TFPI: variants seen among roughly 807,000 people sequenced by gnomAD.
The protein encoded by TFPI is anti-convertin.
TFPI carries 15 observed loss-of-function variants against 34.6 expected under a neutral mutation model. The ratio of observed to expected loss-of-function variants is 0.43; its 90% CI spans 0.29 to 0.67. TFPI has a LOEUF of 0.67. TFPI is among the 30% of genes least tolerant of loss of function. The pLI, the probability that TFPI is intolerant of heterozygous loss-of-function variation, is 0.15. For synonymous variants in TFPI, 105 were observed against 120.1 expected (o/e 0.87, Z 0.82); for missense variants, 301 against 364.0 (o/e 0.83, Z 1.41).
chr2:187,545,171 T>A (rs1030101889), intron 1 of TFPI, among the ~76,000 whole-genome samples: 17 of 152,114 alleles, frequency 1.1e-4, no homozygotes, highest in African/African-American at 4.1e-4. Context: ...CAAAAGTAAT[T>A]GTACATAGTT....
At chr2:187,507,304 A>G (rs997603237) in intron 1 of TFPI, among the ~76,000 whole-genome samples, 5 of 152,158 alleles carry the variant, frequency 3.3e-5, no homozygotes, top group African/African-American at 1.2e-4. Context: ...TATACAGTCT[A>G]TCATTGATAG....
chr2:187,502,168 T>A (rs996974258), intron 2 of TFPI, among the ~76,000 whole-genome samples: 12 of 152,210 alleles, frequency 7.9e-5, no homozygotes, highest in Non-Finnish European at 2.9e-5. Flanking sequence ...AAATTCTTTG[T>A]TACCACCTAG....
intron 1 of TFPI, among the ~76,000 whole-genome samples, chr2:187,512,277 T>TAAA (rs143585752): frequency 2.7e-5 from 3 of 110,370 alleles, no homozygotes; most frequent in African/African-American, 1.0e-4. Flanking sequence ...TATCCTAAGT[T>TAAA]AAAAAAAAAA....
chr2:187,545,194 G>A (rs966491990), intron 1 of TFPI, among the ~76,000 whole-genome samples: 1 of 152,092 alleles, frequency 6.6e-6, no homozygotes, highest in East Asian at 1.9e-4. Flanking sequence ...TTAAAGGAGG[G>A]AAGTCTCTTC....
chr2:187,542,112 G>A (rs1368531559), intron 1 of TFPI, among the ~76,000 whole-genome samples: 1 of 152,156 alleles, frequency 6.6e-6, no homozygotes, highest in Non-Finnish European at 1.5e-5. Flanking sequence ...GTAACAGACA[G>A]AATTTGAAGA....
chr2:187,469,794 T>G (rs1271436259), intron 6 of TFPI, among the ~76,000 whole-genome samples: 1 of 152,166 alleles, frequency 6.6e-6, no homozygotes, highest in Non-Finnish European at 1.5e-5. Context: ...TGCTAGACAT[T>G]CTAGAAAATG....
At chr2:187,503,840 C>A in intron 1 of TFPI, 70 bp from the exon 2 acceptor site, 1 of 1,539,868 alleles carries the variant, frequency 6.5e-7, no homozygotes, top group Non-Finnish European at 8.8e-7. Context: ...GACTAGTAAA[C>A]ATCATATGTG....
chr2:187,482,566 C>T lies in TFPI; in HGVS notation c.628+1558G>A, dbSNP rs185623026. Among the ~76,000 whole-genome samples, 181 of 152,064 alleles carry T rather than the reference C, an allele frequency of 1.2e-3. 1 individual carries two copies. Among genetic ancestry groups the T allele is most frequent in the African/African-American group, 4.0e-3 (166 of 41,542 alleles). On this transcript the variant is annotated intron_variant, in intron 6 of 7. Transcript: ENST00000233156. Reference sequence around the variant, plus strand: ...GGACCTGAAGTCATTTTGAATATATCGTATTTTCCAACTCCCACTGAAAGT... The same window carrying T: ...GGACCTGAAGTCATTTTGAATATATTGTATTTTCCAACTCCCACTGAAAGT...
At chr2:187,479,362 C>T (rs1692649699) in intron 6 of TFPI, among the ~76,000 whole-genome samples, 1 of 151,340 alleles carries the variant, frequency 6.6e-6, no homozygotes, top group Admixed American at 6.6e-5. Context: ...TTTTGTCTCT[C>T]TCTCTCTAAT....
intron 1 of TFPI, among the ~76,000 whole-genome samples, chr2:187,537,258 C>CA (rs1190755080): frequency 2.0e-5 from 3 of 152,132 alleles, no homozygotes; most frequent in South Asian, 4.2e-4. Context: ...CATATGGAAC[C>CA]AAAAAACAGT....
At chr2:187,533,475 T>G (rs916033023) in intron 1 of TFPI, among the ~76,000 whole-genome samples, 17 of 152,198 alleles carry the variant, frequency 1.1e-4, no homozygotes, top group Admixed American at 2.6e-4. Context: ...CGGAGGGACC[T>G]GACTGTTAAA....
intron 1 of TFPI, among the ~76,000 whole-genome samples, chr2:187,541,908 A>C (rs1211285557): frequency 6.6e-6 from 1 of 152,188 alleles, no homozygotes; most frequent in East Asian, 1.9e-4. Context: ...TGAGTCAACA[A>C]TGTCTAACGC....
chr2:187,504,169 T>G (rs1686040112), intron 1 of TFPI, among the ~76,000 whole-genome samples: 1 of 152,170 alleles, frequency 6.6e-6, no homozygotes, highest in African/African-American at 2.4e-5. Context: ...CCAATAATTA[T>G]TTAGGCATTT....
chr2:187,498,508 A>G (rs1262371787), intron 2 of TFPI, among the ~76,000 whole-genome samples: 1 of 151,844 alleles, frequency 6.6e-6, no homozygotes, highest in Non-Finnish European at 1.5e-5. Flanking sequence ...AGCCTTTACA[A>G]TCTTGGAAGG....
chr2:187,518,745 T>C (rs772819724), intron 1 of TFPI: 2 of 152,216 alleles, frequency 1.3e-5, no homozygotes, highest in Non-Finnish European at 2.9e-5. Flanking sequence ...TTCCAGCTCC[T>C]TTCCATTCTC....
At chr2:187,467,293 A>G (rs891921850) in intron 7 of TFPI, among the ~76,000 whole-genome samples, 1 of 151,964 alleles carries the variant, frequency 6.6e-6, no homozygotes, top group African/African-American at 2.4e-5. Flanking sequence ...TTACAAATCC[A>G]TGCTTGCTTT....
rs531291159 is a variant in TFPI at position 187,546,439 on chromosome 2, A to G, written c.-3+7761T>C. Among the ~76,000 whole-genome samples, 1,006 of 149,496 alleles carry G rather than the reference A, an allele frequency of 6.7e-3. 8 individuals are homozygous for G. The highest frequency in any genetic ancestry group is 0.024 in the African/African-American group (958 of 40,672). On this transcript the variant is annotated intron_variant, in intron 1 of 7. Transcript: ENST00000233156. ...TCATTTCCTTAAGAGGGGAAAAAAA[A>G]CAAATAAAAGTTAGCATTACATATC... is the stretch of plus-strand genomic sequence containing the variant.
chr2:187,483,785 C>T, intron 6 of TFPI: 2 of 267,094 alleles, frequency 7.5e-6, no homozygotes, highest in Non-Finnish European at 7.0e-6. Flanking sequence ...ACTGCTGTGC[C>T]AGTACAATGA....
rs1276257386 is a variant in TFPI, at chr2:187,466,054, A to G, written c.*882T>C. 1 of 152,220 alleles carries G rather than the reference A, an allele frequency of 6.6e-6. No individual in the cohort carries two copies. Among genetic ancestry groups the G allele is most frequent in the Admixed American group, 6.5e-5 (1 of 15,272 alleles). The allele number at this position is 152,220 out of a possible 1,614,324, so 9.4% of individuals were successfully genotyped here. The stretch of plus-strand genomic sequence containing the variant: ...CCTACTTTTTAAAGCATGAATTATT[A>G]GTTGCATTGTGTGCAAATCCTAATG... On this transcript the variant is annotated 3_prime_UTR_variant, in exon 8 of 8. Coordinates refer to ENST00000233156, the MANE Select transcript of TFPI (RefSeq NM_006287.6).
Sources: gnomAD v4.1 joint callset for allele counts (sites outside exome capture counted in the v4.1 genomes callset) on GRCh38, gnomAD v4.1.1 for gene constraint, MANE v1.5 for transcripts, NCBI Gene and HGNC (gene_info 2026-07-23, HGNC 2026-07-21) for gene names.